Variants in METTL14 observed in about 807,000 individuals in gnomAD.
The protein encoded by METTL14 is methyltransferase 14, N6-adenosine-methyltransferase non-catalytic subunit.
METTL14 carries 32 observed loss-of-function variants against 62.4 expected under a neutral mutation model. That is an observed-to-expected ratio of 0.51 (90% CI 0.39 to 0.69). METTL14 has a LOEUF of 0.69. Ranked by LOEUF, METTL14 falls within the 30% of genes least tolerant of loss-of-function variation. The pLI is 0.00. For missense variants in METTL14, 340 were observed against 551.9 expected, an observed-to-expected ratio of 0.62 and a Z score of 3.85; for synonymous variants, 150 against 180.0, an observed-to-expected ratio of 0.83 and a Z score of 1.34.
chr4:118,707,983 C>A (rs868681404), intron 10 of METTL14, among the ~76,000 whole-genome samples: 42 of 152,012 alleles, frequency 2.8e-4, no homozygotes, highest in Non-Finnish European at 5.4e-4. Context: ...TGCCACCACA[C>A]CTGGCTAATT....
chr4:118,700,610 G>A lies in METTL14; in HGVS notation c.706G>A (p.Gly236Ser), dbSNP rs767997172. 1 of 1,612,502 alleles carries A rather than the reference G, an allele frequency of 6.2e-7. No individual in the cohort carries two copies. The highest frequency in any genetic ancestry group is 1.1e-5 in the South Asian group (1 of 90,888). ...APRSFIFLWC[G>S]SGEGLDLGRV... The stretch of plus-strand genomic sequence containing the variant: ...TCGATCATTTATTTTTCTCTGGTGT[G>A]GTTCTGGGGAGGGGTTGGACCTTGG... Residue 236 changes from glycine to serine, a missense_variant, in exon 8 of 11, where the codon GGT becomes AGT. By Grantham distance (56) the Gly-to-Ser change is moderately conservative (BLOSUM62 0). This residue lies in a region of METTL14 where 58 missense variants were observed against 147.5 expected (regional missense o/e 0.39). Transcript: ENST00000388822.
chr4:118,685,544 C>T lies in METTL14; in HGVS notation c.10C>T (p.Arg4Cys). Residue 4 changes from arginine (R) to cysteine (C), a missense_variant, in exon 1 of 11, where the codon CGC (arginine) becomes TGC (cysteine). By Grantham distance (180) the Arg-to-Cys change is radical (BLOSUM62 -3). Around this residue, in one of 7 missense-constraint regions of METTL14, gnomAD observed 111 missense variants for 116.6 expected, o/e 0.95. Coordinates refer to ENST00000388822, the MANE Select transcript of METTL14 (RefSeq NM_020961.4). MDS[R>C]LQEIRERQKL... ...AAGCCGGAGTTGGAACATGGATAGC[C>T]GCTTGCAGGAGATCCGGGAGCGGCA... The T allele has an allele frequency of 6.2e-7, 1 of 1,614,130 alleles. No individual in the cohort carries two copies.
rs1457790775 is a variant in METTL14, at chr4:118,713,784, T to TATCC, written c.*3484_*3487dup. ...GGACTTCTCAAAAGATTAGAACATT[T>TATCC]ATCCAGTAAACTGACTCCATTGAAG... On this transcript the variant is annotated 3_prime_UTR_variant, in exon 11 of 11. Transcript: ENST00000388822. The TATCC allele has an allele frequency of 6.6e-6, 1 of 152,222 alleles. No individual in the cohort carries two copies. Among genetic ancestry groups the TATCC allele is most frequent in the Non-Finnish European group, 1.5e-5 (1 of 68,026 alleles). The allele number at this position is 152,222 out of a possible 1,614,324, so 9.4% of individuals were successfully genotyped here.
At chr4:118,699,470 G>A (rs992794053) in intron 7 of METTL14, among the ~76,000 whole-genome samples, 1 of 152,052 alleles carries the variant, frequency 6.6e-6, no homozygotes, top group Admixed American at 6.6e-5. Flanking sequence ...TTCCAGATAG[G>A]TATAAATTTA....
At chr4:118,697,620 A>C (rs965356692) in intron 7 of METTL14, among the ~76,000 whole-genome samples, 2 of 152,146 alleles carry the variant, frequency 1.3e-5, no homozygotes, top group Non-Finnish European at 2.9e-5. Context: ...TTAAAAACAG[A>C]TGGAATGATT....
intron 5 of METTL14, among the ~76,000 whole-genome samples, chr4:118,693,063 A>C (rs1409141256): frequency 6.6e-6 from 1 of 151,912 alleles, no homozygotes; most frequent in Admixed American, 6.6e-5. Flanking sequence ...TCTGACAACT[A>C]CTCTCTTGTG....
chr4:118,686,504 G>A (rs1431373853), intron 1 of METTL14: 1 of 425,984 alleles, frequency 2.3e-6, no homozygotes, highest in Non-Finnish European at 4.7e-6. Flanking sequence ...CTTGGTTTTA[G>A]TAAATGGACT....
At chr4:118,687,107 G>A (rs1347531004) in intron 1 of METTL14, among the ~76,000 whole-genome samples, 2 of 152,192 alleles carry the variant, frequency 1.3e-5, no homozygotes, top group African/African-American at 4.8e-5. Flanking sequence ...ACAACCCTGT[G>A]CAAACACTGT....
At chr4:118,699,434 C>T (rs560804070) in intron 7 of METTL14, among the ~76,000 whole-genome samples, 1 of 152,148 alleles carries the variant, frequency 6.6e-6, no homozygotes, top group Non-Finnish European at 1.5e-5. Flanking sequence ...AGACTTAATG[C>T]TCTTGATATT....
chr4:118,694,602 T>C (rs1304215642), intron 6 of METTL14, 76 bp downstream of exon 6: 2 of 1,062,402 alleles, frequency 1.9e-6, no homozygotes, highest in Non-Finnish European at 2.9e-6. Context: ...TATAACCTTT[T>C]TTCTTCTTCC....
chr4:118,694,505 C>T lies in METTL14; in HGVS notation c.482C>T (p.Ala161Val), dbSNP rs1480754301. ...ATCAGGCTAAAGGATGAGTTAATAGCTAAATCTAACACTCCTCCCATGTAA... is the reference window on the plus strand; with the variant it reads ...ATCAGGCTAAAGGATGAGTTAATAGTTAAATCTAACACTCCTCCCATGTAA... ...ELIRLKDELI[A>V]KSNTPPMYLQ... The change falls in exon 6 of 11, where the codon GCT becomes GTT. Residue 161 changes from alanine to valine, a missense_variant. Physicochemically the swap from Ala to Val is moderately conservative, Grantham distance 64. Around this residue, in one of 7 missense-constraint regions of METTL14, gnomAD observed 41 missense variants for 44.0 expected, o/e 0.93. Transcript: ENST00000388822. 3 of 1,612,144 alleles carry T rather than the reference C, an allele frequency of 1.9e-6. No homozygotes were observed. Among genetic ancestry groups the T allele is most frequent in the Non-Finnish European group, 2.5e-6 (3 of 1,178,618 alleles).
At chr4:118,708,233 A>G (rs528949422) in intron 10 of METTL14, among the ~76,000 whole-genome samples, 5 of 152,310 alleles carry the variant, frequency 3.3e-5, no homozygotes, top group African/African-American at 7.2e-5. Context: ...TTGGACTTCT[A>G]TAGCCAGTTT....
In METTL14 at chr4:118,712,440, A is replaced by C. The variant is rs1446417568; in HGVS notation, c.*2138A>C. ...GAGACCAGCCTGACCAATATGGAGA[A>C]ATCCCATCTCTACTAAAAATACAAA... On this transcript the variant is annotated 3_prime_UTR_variant, in exon 11 of 11. Coordinates refer to ENST00000388822, the MANE Select transcript of METTL14 (RefSeq NM_020961.4). The C allele has an allele frequency of 6.6e-6, 1 of 152,214 alleles. No individual in the cohort carries two copies. Among genetic ancestry groups the C allele is most frequent in the Non-Finnish European group, 1.5e-5 (1 of 68,092 alleles). The allele number at this position is 152,214 out of a possible 1,614,324, so 9.4% of individuals were successfully genotyped here. A position where few individuals can be genotyped will look rare whatever the true frequency, so the allele number is the denominator to read the frequency against.
intron 1 of METTL14, 44 bp downstream of exon 1, chr4:118,685,644 A>C: frequency 6.4e-7 from 1 of 1,573,524 alleles, no homozygotes; most frequent in African/African-American, 1.3e-5. Context: ...CGAGAATGCG[A>C]GTGCGCGGCC....
chr4:118,703,850 GT>G, intron 8 of METTL14, 84 bp from the exon 9 acceptor site: 8 of 753,112 alleles, frequency 1.1e-5, no homozygotes, highest in Non-Finnish European at 1.3e-5. Flanking sequence ...CCTCTAGAAA[GT>G]TTTTTTTAAT....
chr4:118,698,138 C>T (rs180897345), intron 7 of METTL14, among the ~76,000 whole-genome samples: 27 of 152,088 alleles, frequency 1.8e-4, no homozygotes, highest in African/African-American at 6.3e-4. Context: ...TGTTTGGAAG[C>T]TGGGCTAGAG....
intron 6 of METTL14, among the ~76,000 whole-genome samples, chr4:118,695,091 A>G (rs1035101448): frequency 6.6e-6 from 1 of 151,946 alleles, no homozygotes; most frequent in Non-Finnish European, 1.5e-5. Context: ...CTCAACCTCA[A>G]AATGCTGGGA....
chr4:118,696,683 T>C (rs1339867769), intron 6 of METTL14, among the ~76,000 whole-genome samples: 1 of 152,150 alleles, frequency 6.6e-6, no homozygotes, highest in Non-Finnish European at 1.5e-5. Context: ...AGACTCTTAA[T>C]AGAAACATTT....
chr4:118,688,205 G>T lies in METTL14; in HGVS notation c.155+194G>T, dbSNP rs1053047584. Among the ~76,000 whole-genome samples the T allele has an allele frequency of 3.9e-5, 6 of 151,974 alleles. No homozygotes were observed. The South Asian group carries it at 1.2e-3, about 32-fold the overall frequency. On this transcript the variant is annotated intron_variant, in intron 2 of 10. Transcript: ENST00000388822. ...ATGAGCCACTGTGCCGAGGCAGGTGGATCACTTGAGCCCAGGAAGTCGGGA... is the reference window on the plus strand; with the variant it reads ...ATGAGCCACTGTGCCGAGGCAGGTGTATCACTTGAGCCCAGGAAGTCGGGA...
Sources: gnomAD v4.1 joint callset for allele counts (sites outside exome capture counted in the v4.1 genomes callset) on GRCh38, gnomAD v4.1.1 for gene constraint, gnomAD v4.1.1 regional missense constraint, MANE v1.5 for transcripts, NCBI Gene and HGNC (gene_info 2026-07-23, HGNC 2026-07-21) for gene names.